EXOC4: variants seen among roughly 807,000 people sequenced by gnomAD.
EXOC4 encodes SEC8-like 1.
In EXOC4, 71 loss-of-function variants were observed where a neutral mutation model predicts 107.2. The observed-to-expected ratio is 0.66, with a 90% CI of 0.55 to 0.81. EXOC4 has a LOEUF of 0.81. EXOC4 is among the 30% of genes least tolerant of loss of function. The pLI is 0.00. For missense variants in EXOC4, 1,108 were observed against 1,189.6 expected (o/e 0.93, Z 1.01); for synonymous variants, 456 against 441.2 (o/e 1.03, Z -0.42).
intron 10 of EXOC4, among the ~76,000 whole-genome samples, chr7:133,713,174 C>T (rs1215664642): frequency 1.3e-5 from 2 of 152,012 alleles, no homozygotes; most frequent in African/African-American, 4.8e-5. Context: ...TCTGGGAAGA[C>T]AAAGTAAAGG....
intron 5 of EXOC4, among the ~76,000 whole-genome samples, chr7:133,347,244 C>CTTTTTT (rs57983951): frequency 7.2e-6 from 1 of 139,502 alleles, no homozygotes; most frequent in African/African-American, 2.7e-5. Flanking sequence ...GTAAACTATA[C>CTTTTTT]TTTTTTTTTT....
At position 133,731,813 on chromosome 7, in the gene EXOC4, C is replaced by CA. The variant is rs200443137; in HGVS notation, c.1515-85503dup. Among the ~76,000 whole-genome samples, 30 of 151,088 alleles carry CA rather than the reference C, an allele frequency of 2.0e-4. No homozygotes were observed. In the East Asian group the frequency reaches 5.8e-3, roughly 29 times the overall value. On this transcript the variant is annotated intron_variant, in intron 10 of 17. Coordinates refer to ENST00000253861, the MANE Select transcript of EXOC4 (RefSeq NM_021807.4). ...ATTCTGAAAATTAGAACTCACATTT[C>CA]AAAAAAAAATTTAAACAAATCAGAC... is the stretch of plus-strand genomic sequence containing the variant.
At chr7:133,485,247 T>TC (rs1799249064) in intron 9 of EXOC4, among the ~76,000 whole-genome samples, 1 of 151,998 alleles carries the variant, frequency 6.6e-6, no homozygotes, top group African/African-American at 2.4e-5. Flanking sequence ...TTAGCTCTCC[T>TC]CCAAGTCACC....
intron 11 of EXOC4, among the ~76,000 whole-genome samples, chr7:133,870,978 C>T (rs781199197): frequency 1.6e-4 from 25 of 152,182 alleles, no homozygotes; most frequent in Non-Finnish European, 3.1e-4. Flanking sequence ...TACTCACATT[C>T]GCTGTGCTCC....
downstream of EXOC4, among the ~76,000 whole-genome samples, chr7:134,068,717 C>A (rs1294311269): frequency 6.6e-6 from 1 of 152,176 alleles, no homozygotes; most frequent in East Asian, 1.9e-4. Flanking sequence ...CACCCTCTCT[C>A]CAAGACTTTA....
At chr7:133,775,315 G>A (rs1421526854) in intron 10 of EXOC4, among the ~76,000 whole-genome samples, 1 of 152,146 alleles carries the variant, frequency 6.6e-6, no homozygotes, top group African/African-American at 2.4e-5. Flanking sequence ...TCAGTTAGAC[G>A]AGTGTACATG....
intron 13 of EXOC4, among the ~76,000 whole-genome samples, chr7:133,918,566 T>C (rs1799864728): frequency 6.6e-6 from 1 of 152,246 alleles, no homozygotes; most frequent in South Asian, 2.1e-4. Flanking sequence ...TTATCCGTGA[T>C]TGTTTTCTAT....
At chr7:133,890,555 A>G (rs1209122397) in intron 11 of EXOC4, among the ~76,000 whole-genome samples, 1 of 141,002 alleles carries the variant, frequency 7.1e-6, no homozygotes, top group African/African-American at 2.8e-5. Context: ...TTATGGTTTT[A>G]GGTCTAACGT....
At chr7:133,513,723 T>C (rs1196432990) in intron 9 of EXOC4, among the ~76,000 whole-genome samples, 1 of 152,218 alleles carries the variant, frequency 6.6e-6, no homozygotes, top group Non-Finnish European at 1.5e-5. Flanking sequence ...GATATAAGAA[T>C]GTGTTGCTCT....
chr7:133,581,971 T>A (rs1801287527), intron 9 of EXOC4, among the ~76,000 whole-genome samples: 1 of 152,046 alleles, frequency 6.6e-6, no homozygotes, highest in Non-Finnish European at 1.5e-5. Flanking sequence ...CCATCAGGTC[T>A]CGTGAGAACT....
At chr7:133,432,361 C>T (rs756206283) in intron 7 of EXOC4, among the ~76,000 whole-genome samples, 36 of 152,224 alleles carry the variant, frequency 2.4e-4, no homozygotes, top group Middle Eastern at 3.4e-3. Context: ...TAAATTCCTA[C>T]CTTACAACAC....
chr7:133,834,691 C>T (rs1161139058), intron 11 of EXOC4, among the ~76,000 whole-genome samples: 2 of 152,220 alleles, frequency 1.3e-5, no homozygotes, highest in African/African-American at 2.4e-5. Flanking sequence ...CTTTCTCCAA[C>T]AGCCAGCATG....
At chr7:133,781,074 G>A (rs912460993) in intron 10 of EXOC4, among the ~76,000 whole-genome samples, 1 of 152,180 alleles carries the variant, frequency 6.6e-6, no homozygotes, top group African/African-American at 2.4e-5. Context: ...TATGCTGTCT[G>A]TGTTCCTGCC....
At chr7:133,472,864 C>G (rs1468759515) in intron 7 of EXOC4, among the ~76,000 whole-genome samples, 1 of 152,026 alleles carries the variant, frequency 6.6e-6, no homozygotes, top group Non-Finnish European at 1.5e-5. Flanking sequence ...GGGGACTTTA[C>G]TGATGATGAG....
At chr7:133,922,162 A>C (rs914556593) in intron 13 of EXOC4, among the ~76,000 whole-genome samples, 2 of 152,164 alleles carry the variant, frequency 1.3e-5, no homozygotes, top group Non-Finnish European at 2.9e-5. Flanking sequence ...TTAATGAAGC[A>C]TAATAAATAT....
chr7:133,317,883 T>C (rs548116702), intron 5 of EXOC4, among the ~76,000 whole-genome samples: 19 of 152,222 alleles, frequency 1.2e-4, no homozygotes, highest in South Asian at 6.2e-4. Flanking sequence ...GGTTTCACCA[T>C]GTTGGCCAGG....
intron 11 of EXOC4, among the ~76,000 whole-genome samples, chr7:133,862,316 A>G (rs1798550927): frequency 6.6e-6 from 1 of 151,974 alleles, no homozygotes; most frequent in African/African-American, 2.4e-5. Context: ...GTGAAATCCC[A>G]TCTCTACTAA....
chr7:133,760,250 A>G (rs1175848227), intron 10 of EXOC4, among the ~76,000 whole-genome samples: 5 of 152,216 alleles, frequency 3.3e-5, no homozygotes, highest in African/African-American at 1.2e-4. Context: ...TAATGAAGAA[A>G]GTAACGTTTT....
chr7:133,626,494 C>T (rs1802459006), intron 9 of EXOC4, among the ~76,000 whole-genome samples: 1 of 152,118 alleles, frequency 6.6e-6, no homozygotes, highest in South Asian at 2.1e-4. Context: ...GTATAGATGG[C>T]ACTTGGTAAT....
Sources: gnomAD v4.1 joint callset for allele counts (sites outside exome capture counted in the v4.1 genomes callset) on GRCh38, gnomAD v4.1.1 for gene constraint, MANE v1.5 for transcripts, NCBI Gene and HGNC (gene_info 2026-07-23, HGNC 2026-07-21) for gene names.